CDH12: variants seen among roughly 807,000 people sequenced by gnomAD.
The protein encoded by CDH12 is cadherin-12.
Under a neutral mutation model 74.1 loss-of-function variants are expected in CDH12, and 41 were observed. That is an observed-to-expected ratio of 0.55 (90% CI 0.43 to 0.72). The LOEUF is 0.72. CDH12 is among the 30% of genes least tolerant of loss of function. The probability of loss-of-function intolerance (pLI) is 0.00; values close to 1 mark genes in which losing one functional copy is unlikely to be tolerated. For synonymous variants in CDH12, 399 were observed against 355.0 expected (o/e 1.12, Z -1.39); for missense variants, 945 against 977.2 (o/e 0.97, Z 0.44).
chr5:22,216,915 T>C (rs1455373722), intron 3 of CDH12, among the ~76,000 whole-genome samples: 4 of 151,860 alleles, frequency 2.6e-5, no homozygotes, highest in Admixed American at 6.6e-5. Context: ...AATTAAACTA[T>C]ATTATCTCTA....
At chr5:22,739,316 A>ATTAT (rs371069347) in intron 1 of CDH12, among the ~76,000 whole-genome samples, 6 of 75,116 alleles carry the variant, frequency 8.0e-5, no homozygotes, top group African/African-American at 2.5e-4. Flanking sequence ...TAAAAATTTT[A>ATTAT]CTTTTTTTTA....
intron 1 of CDH12, among the ~76,000 whole-genome samples, chr5:22,803,718 C>T (rs934803703): frequency 6.6e-6 from 1 of 152,180 alleles, no homozygotes; most frequent in Non-Finnish European, 1.5e-5. Context: ...CCTTTCCCTA[C>T]TCTCTCAAAC....
intron 3 of CDH12, among the ~76,000 whole-genome samples, chr5:22,270,968 C>T (rs113823613): frequency 2.5e-4 from 38 of 152,042 alleles, no homozygotes; most frequent in African/African-American, 7.2e-4. Context: ...CCACCACGCC[C>T]GGCCCTTTAC....
intron 1 of CDH12, among the ~76,000 whole-genome samples, chr5:22,852,549 G>A (rs1373753195): frequency 6.6e-6 from 1 of 152,108 alleles, no homozygotes; most frequent in African/African-American, 2.4e-5. Context: ...TGAGAGGCAG[G>A]CCATTAAAAC....
intron 4 of CDH12, among the ~76,000 whole-genome samples, chr5:22,161,261 G>A (rs892958310): frequency 5.3e-5 from 8 of 151,632 alleles, no homozygotes; most frequent in Non-Finnish European, 1.0e-4. Context: ...TCTCCTCTTC[G>A]GTCCTGTGTT....
intron 3 of CDH12, among the ~76,000 whole-genome samples, chr5:22,297,419 T>C (rs1737679021): frequency 6.6e-6 from 1 of 152,214 alleles, no homozygotes; most frequent in African/African-American, 2.4e-5. Flanking sequence ...CAAATGGCTC[T>C]GTTGCTTTAA....
At chr5:22,109,062 T>TG (rs1240450446) in intron 4 of CDH12, among the ~76,000 whole-genome samples, 1 of 152,164 alleles carries the variant, frequency 6.6e-6, no homozygotes, top group African/African-American at 2.4e-5. Context: ...TTAAAGGGTG[T>TG]GAAAAAATAC....
At chr5:22,268,934 A>G (rs1330978673) in intron 3 of CDH12, among the ~76,000 whole-genome samples, 1 of 152,092 alleles carries the variant, frequency 6.6e-6, no homozygotes, top group Non-Finnish European at 1.5e-5. Context: ...TGTGTATTAG[A>G]AAGATTGGTT....
At chr5:22,656,876 T>C (rs565947940) in intron 1 of CDH12, among the ~76,000 whole-genome samples, 1 of 152,234 alleles carries the variant, frequency 6.6e-6, no homozygotes, top group South Asian at 2.1e-4. Context: ...CTTGCTCTGT[T>C]GCTCAGGCTG....
rs151285427 is a variant in CDH12, at chr5:22,358,286, A to G, written c.-333+46971T>C. ...TAGTTGGGTGTGGTGGCAGAAACCT[A>G]TAATCCCAGATATTCAGGAGGTTGA... On this transcript the variant is annotated intron_variant, in intron 3 of 14. Coordinates refer to ENST00000382254, the MANE Select transcript of CDH12 (RefSeq NM_004061.5). 2.7e-5 allele frequency among the ~76,000 whole-genome samples: 4 copies of G among 149,240 alleles called. No homozygotes were observed. The East Asian group carries it at 8.1e-4, about 30-fold the overall frequency.
In CDH12 at chr5:22,244,735, GAAAGA is replaced by G. The variant is rs1202722577; in HGVS notation, c.-332-32097_-332-32093del. Among the ~76,000 whole-genome samples, 440 of 112,352 alleles carry G rather than the reference GAAAGA, an allele frequency of 3.9e-3. 19 individuals carry two copies. The highest frequency in any genetic ancestry group is 4.2e-3 in the Middle Eastern group (1 of 238). The allele number at this position is 112,352 out of a possible 152,430, so 73.7% of individuals were successfully genotyped here. The stretch of plus-strand genomic sequence containing the variant: ...AAAGAGAGAGAGAAAGAAAAAGAAA[GAAAGA>G]AAAGAAAGAAAGAAAGAAAGAAAGA... On this transcript the variant is annotated intron_variant, in intron 3 of 14. Transcript: ENST00000382254.
intron 1 of CDH12, among the ~76,000 whole-genome samples, chr5:22,749,156 T>G (rs547252442): frequency 5.9e-5 from 9 of 152,272 alleles, no homozygotes; most frequent in Admixed American, 3.3e-4. Flanking sequence ...GCATATGAGT[T>G]GTAACGTGCA....
Position 22,257,316 on chromosome 5 carries a change from A to C in CDH12, c.-332-44673T>G, listed in dbSNP as rs145430185. On this transcript the variant is annotated intron_variant, in intron 3 of 14. Coordinates refer to ENST00000382254, the MANE Select transcript of CDH12 (RefSeq NM_004061.5). The stretch of plus-strand genomic sequence containing the variant: ...AACAAACCTGCACTTGTATCCCTGA[A>C]CTTAAAATAAAAGTTAAAATATAAG... Among the ~76,000 whole-genome samples, 943 of 152,208 alleles carry C rather than the reference A, an allele frequency of 6.2e-3. 4 individuals carry two copies. Among genetic ancestry groups the C allele is most frequent in the African/African-American group, 0.021 (883 of 41,560 alleles).
intron 1 of CDH12, among the ~76,000 whole-genome samples, chr5:22,739,978 G>T (rs1215294684): frequency 6.6e-6 from 1 of 151,980 alleles, no homozygotes; most frequent in Admixed American, 6.6e-5. Flanking sequence ...TAAACCTCTT[G>T]CTCAAGGACT....
At position 22,492,699 on chromosome 5, in the gene CDH12, G is replaced by A. The variant is rs145043794; in HGVS notation, c.-428+12571C>T. On this transcript the variant is annotated intron_variant, in intron 2 of 14. Transcript: ENST00000382254. ...TGTTTATTCATTCCTCTATGAATAT[G>A]CAGTTCTTATATTGGCTTTATTTGC... 2.1e-3 allele frequency among the ~76,000 whole-genome samples: 327 copies of A among 152,188 alleles called. 2 individuals are homozygous for A. The highest frequency in any genetic ancestry group is 7.2e-3 in the African/African-American group (299 of 41,544).
chr5:22,045,263 T>A (rs375755931), intron 5 of CDH12, among the ~76,000 whole-genome samples: 27 of 152,150 alleles, frequency 1.8e-4, no homozygotes, highest in Non-Finnish European at 2.9e-4. Context: ...CCAGTTACAA[T>A]GGCTATTATC....
intron 2 of CDH12, among the ~76,000 whole-genome samples, chr5:22,479,351 C>A (rs1208949972): frequency 6.6e-6 from 1 of 152,126 alleles, no homozygotes; most frequent in Non-Finnish European, 1.5e-5. Flanking sequence ...AAGTGCCAGG[C>A]ACAACACTAA....
chr5:22,150,266 T>G (rs1747479186), intron 4 of CDH12, among the ~76,000 whole-genome samples: 1 of 152,076 alleles, frequency 6.6e-6, no homozygotes, highest in South Asian at 2.1e-4. Context: ...TCATTAATTA[T>G]TCACAAAGTG....
chr5:22,754,298 C>G (rs1745764169), intron 1 of CDH12, among the ~76,000 whole-genome samples: 1 of 151,918 alleles, frequency 6.6e-6, no homozygotes, highest in Admixed American at 6.6e-5. Context: ...AAAACGAAAA[C>G]AAAAAATTAT....
Sources: allele counts gnomAD v4.1 joint callset (sites outside exome capture counted in the v4.1 genomes callset), GRCh38; gene constraint gnomAD v4.1.1; transcripts MANE v1.5; gene names NCBI Gene and HGNC (gene_info 2026-07-23, HGNC 2026-07-21).